The following MSH4 variants were observed in gnomAD, a reference collection of about 807,000 sequenced individuals.
The protein encoded by MSH4 is mutS homolog 4.
A neutral mutation model predicts 113.7 loss-of-function variants in MSH4; 106 were observed. The observed-to-expected ratio is 0.93, with a 90% CI of 0.80 to 1.10. The LOEUF (loss-of-function observed/expected upper bound fraction) is 1.10, where lower values mean the gene tolerates loss of function less well. Ranked by LOEUF, MSH4 falls within the 50% of genes least tolerant of loss-of-function variation. MSH4 has a pLI of 0.00. For missense variants in MSH4, 1,061 were observed against 1,093.7 expected, an observed-to-expected ratio of 0.97 and a Z score of 0.42; for synonymous variants, 368 against 380.2, an observed-to-expected ratio of 0.97 and a Z score of 0.37.
chr1:75,871,316 G>T (rs981796716), intron 9 of MSH4, among the ~76,000 whole-genome samples: 2 of 152,096 alleles, frequency 1.3e-5, no homozygotes, highest in African/African-American at 4.8e-5. Flanking sequence ...GAATTCTAGG[G>T]ATTATAATTT....
At chr1:75,880,798 G>C (rs1651914103) in intron 13 of MSH4, among the ~76,000 whole-genome samples, 1 of 151,944 alleles carries the variant, frequency 6.6e-6, no homozygotes, top group Non-Finnish European at 1.5e-5. Flanking sequence ...GTGTGAGTGA[G>C]AGAACAAGAA....
intron 1 of MSH4, among the ~76,000 whole-genome samples, chr1:75,799,232 C>G (rs1033765407): frequency 1.3e-5 from 2 of 152,132 alleles, no homozygotes; most frequent in African/African-American, 4.8e-5. Context: ...TGGCTTCTTA[C>G]TAGGCAGACG....
At chr1:75,885,825 A>C (rs1239922255) in intron 15 of MSH4, among the ~76,000 whole-genome samples, 2 of 125,878 alleles carry the variant, frequency 1.6e-5, no homozygotes, top group African/African-American at 5.9e-5. Flanking sequence ...TGTATAGTAT[A>C]TGTAATGTAT....
At chr1:75,804,654 G>A (rs1267567380) in intron 2 of MSH4, among the ~76,000 whole-genome samples, 2 of 151,212 alleles carry the variant, frequency 1.3e-5, no homozygotes, top group African/African-American at 4.9e-5. Flanking sequence ...GGGACTACAG[G>A]TGCTTGCTAC....
intron 1 of MSH4, among the ~76,000 whole-genome samples, chr1:75,801,423 G>A (rs893108742): frequency 1.3e-4 from 20 of 151,686 alleles, no homozygotes; most frequent in Non-Finnish European, 1.6e-4. Context: ...AAAAAAAATA[G>A]CCAGGTGTGG....
chr1:75,855,836 G>A (rs1467922278), intron 8 of MSH4, among the ~76,000 whole-genome samples: 1 of 152,150 alleles, frequency 6.6e-6, no homozygotes, highest in Admixed American at 6.5e-5. Context: ...TTTTTTTGGA[G>A]GGAACACAAT....
At chr1:75,860,091 T>A (rs191412289) in intron 8 of MSH4, among the ~76,000 whole-genome samples, 221 of 150,498 alleles carry the variant, frequency 1.5e-3, no homozygotes, top group African/African-American at 5.1e-3. Flanking sequence ...AACCCCTGCT[T>A]TTTTTTTTGC....
chr1:75,882,947 C>T (rs921056096), intron 14 of MSH4, among the ~76,000 whole-genome samples: 3 of 151,966 alleles, frequency 2.0e-5, no homozygotes, highest in Non-Finnish European at 4.4e-5. Context: ...TCTGTATTAC[C>T]AGTAACCAAC....
In MSH4 at chr1:75,880,083, TCAG is replaced by T; in HGVS notation, c.1715_1717del (p.Ala572del). The T allele has an allele frequency of 6.3e-7, 1 of 1,597,840 alleles. No individual in the cohort carries two copies. The highest frequency in any genetic ancestry group is 8.5e-7 in the Non-Finnish European group (1 of 1,170,668). ...AGTGAAAAATTCTTACAGCTTTACA[TCAG>T]CAGATTTAATTAAAATGAATGAAAG... On this transcript the variant is annotated inframe_deletion, in exon 13 of 20. Transcript: ENST00000263187.
intron 4 of MSH4, among the ~76,000 whole-genome samples, chr1:75,811,854 T>C (rs1650196369): frequency 6.6e-6 from 1 of 152,242 alleles, no homozygotes; most frequent in Non-Finnish European, 1.5e-5. Context: ...GTTCCTAATA[T>C]ATTCAGCATC....
chr1:75,813,661 G>A (rs1011111725), intron 4 of MSH4, among the ~76,000 whole-genome samples: 4 of 152,018 alleles, frequency 2.6e-5, no homozygotes, highest in African/African-American at 9.7e-5. Flanking sequence ...CTAAGCAGAG[G>A]GAAAATTCGA....
chr1:75,863,189 TAGTA>T (rs1651496100), intron 8 of MSH4, among the ~76,000 whole-genome samples: 1 of 152,184 alleles, frequency 6.6e-6, no homozygotes, highest in African/African-American at 2.4e-5. Context: ...TGATTCATTT[TAGTA>T]AGTATTATGA....
At chr1:75,853,729 T>A (rs1215237764) in intron 8 of MSH4, among the ~76,000 whole-genome samples, 1 of 152,120 alleles carries the variant, frequency 6.6e-6, no homozygotes, top group East Asian at 1.9e-4. Context: ...TCACATTGTC[T>A]CAGATTTGAC....
chr1:75,875,413 T>A (rs1651798575), intron 9 of MSH4, among the ~76,000 whole-genome samples: 1 of 152,180 alleles, frequency 6.6e-6, no homozygotes, highest in African/African-American at 2.4e-5. Context: ...ATTCCTATTT[T>A]TACTGTATAA....
chr1:75,886,675 T>C (rs111204992), intron 15 of MSH4, among the ~76,000 whole-genome samples: 2,773 of 132,650 alleles, frequency 0.021, 117 homozygotes, highest in African/African-American at 0.074. Flanking sequence ...CATTATACAT[T>C]ATATACATTA....
chr1:75,876,222 G>A (rs2100568652), intron 9 of MSH4, among the ~76,000 whole-genome samples: 1 of 152,128 alleles, frequency 6.6e-6, no homozygotes, highest in South Asian at 2.1e-4. Flanking sequence ...AGCACACAAT[G>A]ATATAAAATT....
intron 7 of MSH4, among the ~76,000 whole-genome samples, chr1:75,834,465 A>T (rs1002231364): frequency 6.6e-6 from 1 of 152,274 alleles, no homozygotes; most frequent in African/African-American, 2.4e-5. Context: ...ATGCTGCTAT[A>T]AAGACACATG....
At chr1:75,885,468 TACAC>T (rs1300345428) in intron 15 of MSH4, among the ~76,000 whole-genome samples, 13 of 73,548 alleles carry the variant, frequency 1.8e-4, no homozygotes, top group African/African-American at 7.2e-4. Context: ...TATGTATATA[TACAC>T]ACACACACAC....
chr1:75,811,214 A>G (rs1650184185), intron 4 of MSH4, among the ~76,000 whole-genome samples: 1 of 152,154 alleles, frequency 6.6e-6, no homozygotes, highest in Non-Finnish European at 1.5e-5. Flanking sequence ...TAATATCATT[A>G]TAAAGAACAA....
Sources: gnomAD v4.1 joint callset for allele counts (sites outside exome capture counted in the v4.1 genomes callset) on GRCh38, gnomAD v4.1.1 for gene constraint, MANE v1.5 for transcripts, NCBI Gene and HGNC (gene_info 2026-07-23, HGNC 2026-07-21) for gene names.